The following SYNGR4 variants were observed in gnomAD, a reference collection of about 807,000 sequenced individuals.
The protein encoded by SYNGR4 is synaptogyrin 4, also known as synaptogyrin-4.
Under a neutral mutation model 15.5 loss-of-function variants are expected in SYNGR4, and 15 were observed. That is an observed-to-expected ratio of 0.97 (90% confidence interval 0.65 to 1.49). The LOEUF (loss-of-function observed/expected upper bound fraction) is 1.49. SYNGR4 is among the 40% of genes most tolerant of loss of function. SYNGR4 has a pLI of 0.00. For missense variants in SYNGR4, 292 were observed against 299.3 expected, an observed-to-expected ratio of 0.98 and a Z score of 0.18; for synonymous variants, 121 against 127.4, an observed-to-expected ratio of 0.95 and a Z score of 0.34.
chr19:48,365,628 T>C lies in SYNGR4; in HGVS notation c.-107-108T>C, dbSNP rs1970199280. ...GTCCCCTCACCCCACACAACTCCAT[T>C]CCGGGGACCCCCCCCATCCCCACCC... On this transcript the variant is annotated intron_variant, in intron 1 of 4. Coordinates refer to ENST00000344846, the MANE Select transcript of SYNGR4 (RefSeq NM_012451.4). 1.3e-5 allele frequency: 6 copies of C among 470,966 alleles called. No individual in the cohort carries two copies. In the South Asian group the frequency reaches 1.3e-4, roughly 10 times the overall value. 29.2% of individuals were successfully genotyped at this position (470,966 alleles called of 1,614,324 possible).
intron 1 of SYNGR4, among the ~76,000 whole-genome samples, chr19:48,365,091 C>G (rs1970173253): frequency 6.6e-6 from 1 of 150,942 alleles, no homozygotes; most frequent in Non-Finnish European, 1.5e-5. Flanking sequence ...TCCATAGACC[C>G]CCTTAACCCA....
intron 1 of SYNGR4, 55 bp from the exon 2 acceptor site, chr19:48,365,681 C>T (rs1325685896): frequency 3.1e-6 from 1 of 318,376 alleles, no homozygotes; most frequent in Non-Finnish European, 5.6e-6. Context: ...GGGCCCCCAA[C>T]AGCCCTTCCA....
Position 48,365,784 on chromosome 19 carries a change from AG to A in SYNGR4, c.-57del, listed in dbSNP as rs995524574. 14 of 1,580,066 alleles carry A rather than the reference AG, an allele frequency of 8.9e-6. No homozygotes were observed. The African/African-American group carries it at 1.5e-4, about 17-fold the overall frequency. ...AAGCCCCCGGACGGCAGTGCCCAGCAGGCAGCGCCCAGCACCCTGGCTCCCA... is the reference window on the plus strand; with the variant it reads ...AAGCCCCCGGACGGCAGTGCCCAGCAGCAGCGCCCAGCACCCTGGCTCCCA... On this transcript the variant is annotated 5_prime_UTR_variant, in exon 2 of 5. Transcript: ENST00000344846.
At chr19:48,364,287 G>T, upstream of SYNGR4, 1 of 324,282 alleles carries the variant, frequency 3.1e-6, no homozygotes, top group South Asian at 4.4e-5. Context: ...GGCGGAAAGA[G>T]GGAGGGGGCG....
rs370422984 is a variant in SYNGR4 at position 48,374,231 on chromosome 19, C to G, written c.331+477C>G. ...TAGCTGGGATTACAGGCGCACACCA[C>G]CACACCCGGCTAATTATTTTTTGTA... is the stretch of plus-strand genomic sequence containing the variant. On this transcript the variant is annotated intron_variant, in intron 3 of 4. Transcript: ENST00000344846. Among the ~76,000 whole-genome samples, 26 of 152,190 alleles carry G rather than the reference C, an allele frequency of 1.7e-4. No individual in the cohort carries two copies. In the South Asian group the frequency reaches 5.4e-3, roughly 32 times the overall value.
Position 48,373,751 on chromosome 19 carries a change from G to A in SYNGR4, c.328G>A (p.Ala110Thr). Residue 110 changes from alanine (A) to threonine (T), a missense_variant, in exon 3 of 5, where the codon GCT (alanine) becomes ACT (threonine). Transcript: ENST00000344846. ...TAFQLLDFIL[A>T]VLWAVVWFMG... is the part of the protein sequence containing the mutation. ...CTTCCAGCTCCTGGACTTCATCCTGGCTGGTGAGCCCCCAGGACCCCCAAC... is the reference window on the plus strand; with the variant it reads ...CTTCCAGCTCCTGGACTTCATCCTGACTGGTGAGCCCCCAGGACCCCCAAC... 2 of 1,613,610 alleles carry A rather than the reference G, an allele frequency of 1.2e-6. No homozygotes were observed. The highest frequency in any genetic ancestry group is 1.7e-6 in the Non-Finnish European group (2 of 1,179,896).
At chr19:48,375,190 T>C (rs548105579) in intron 3 of SYNGR4, among the ~76,000 whole-genome samples, 2 of 151,916 alleles carry the variant, frequency 1.3e-5, no homozygotes, top group East Asian at 3.9e-4. Context: ...CGTGCTGGGC[T>C]AATTTTTGTT....
Position 48,376,174 on chromosome 19 carries a change from GACCACCCTCCCCTTGCCCTCTGCCA to G in SYNGR4, c.564_588del (p.Thr189AlafsTer3). On this transcript the variant is annotated frameshift_variant, in exon 5 of 5. Coordinates refer to ENST00000344846, the MANE Select transcript of SYNGR4 (RefSeq NM_012451.4). LOFTEE classifies it low-confidence loss of function (END_TRUNC). Reference sequence around the variant, plus strand: ...TCCTGGATGAGGGTGGCATGGTGCTGACCACCCTCCCCTTGCCCTCTGCCAACAGCCCTGTGAACATGCCCACCAC... The same window carrying G: ...TCCTGGATGAGGGTGGCATGGTGCTGACAGCCCTGTGAACATGCCCACCAC... 2 of 1,614,060 alleles carry G rather than the reference GACCACCCTCCCCTTGCCCTCTGCCA, an allele frequency of 1.2e-6. No homozygotes were observed. The highest frequency in any genetic ancestry group is 8.5e-7 in the Non-Finnish European group (1 of 1,179,998).
At chr19:48,369,409 C>T (rs577657128) in intron 2 of SYNGR4, among the ~76,000 whole-genome samples, 3 of 152,130 alleles carry the variant, frequency 2.0e-5, no homozygotes, top group Non-Finnish European at 2.9e-5. Context: ...GACAGCCCAC[C>T]GGCCTAGATG....
rs376927562 is a variant in SYNGR4 at position 48,376,145 on chromosome 19, C to T, written c.532C>T (p.Arg178Cys). 1.7e-5 allele frequency: 27 copies of T among 1,613,984 alleles called. No individual in the cohort carries two copies. The Admixed American group carries it at 1.8e-4, about 11-fold the overall frequency. The part of the protein sequence containing the change: ...LRNDAPVPYK[R>C]FLDEGGMVLT... ...AAATGATGCTCCAGTCCCTTACAAGCGCTTCCTGGATGAGGGTGGCATGGT... is the reference window on the plus strand; with the variant it reads ...AAATGATGCTCCAGTCCCTTACAAGTGCTTCCTGGATGAGGGTGGCATGGT... Residue 178 changes from arginine to cysteine, a missense_variant, in exon 5 of 5, where the codon CGC becomes TGC. Physicochemically the swap from Arg to Cys is radical, Grantham distance 180. Transcript: ENST00000344846.
chr19:48,375,693 C>T lies in SYNGR4; in HGVS notation c.412C>T (p.Leu138=). The T allele has an allele frequency of 6.2e-7, 1 of 1,614,112 alleles. No individual in the cohort carries two copies. Among genetic ancestry groups the T allele is most frequent in the Admixed American group, 1.7e-5 (1 of 60,014 alleles). The change falls in exon 4 of 5, where the codon CTG becomes TTG. Residue 138 remains leucine (L), a synonymous_variant. Coordinates refer to ENST00000344846, the MANE Select transcript of SYNGR4 (RefSeq NM_012451.4). ...GCATTCGCCGCCCAAAGAGTTCCTC[C>T]TGGGGAGCAGCAGTGCCCAGGCAGC... The part of the protein sequence containing the change: ...WQHSPPKEFL[L]GSSSAQAAIA...
chr19:48,375,410 C>A (rs555934308), intron 3 of SYNGR4, among the ~76,000 whole-genome samples: 1 of 152,184 alleles, frequency 6.6e-6, no homozygotes, highest in African/African-American at 2.4e-5. Flanking sequence ...TCTACTCCAG[C>A]AGCTCACTTT....
At position 48,375,919 on chromosome 19, in the gene SYNGR4, G is replaced by T. The variant is rs75670885; in HGVS notation, c.472-166G>T. 4.6e-6 allele frequency: 7 copies of T among 1,513,522 alleles called. No homozygotes were observed. In the Admixed American group the frequency reaches 1.7e-4, roughly 37 times the overall value. 93.8% of individuals were successfully genotyped at this position (1,513,522 alleles called of 1,614,324 possible). ...TTCCAGGTGCCGCTTCCTCTGAGCA[G>T]CCACAGCCCAGCATCAGGGCCTGTG... On this transcript the variant is annotated intron_variant, in intron 4 of 4. Transcript: ENST00000344846.
intron 2 of SYNGR4, 117 bp from the exon 3 acceptor site, chr19:48,373,400 G>A (rs1056434979): frequency 1.4e-5 from 12 of 835,862 alleles, no homozygotes; most frequent in Admixed American, 7.9e-5. Context: ...TGTCAAAGAG[G>A]GAGAGGTCCA....
intron 2 of SYNGR4, among the ~76,000 whole-genome samples, chr19:48,370,072 T>C (rs1212297696): frequency 2.0e-5 from 3 of 151,948 alleles, no homozygotes; most frequent in African/African-American, 7.3e-5. Flanking sequence ...AGTTTAGGGG[T>C]CCGTTCTTTG....
At chr19:48,365,286 C>A (rs1296841826) in intron 1 of SYNGR4, among the ~76,000 whole-genome samples, 1 of 102,008 alleles carries the variant, frequency 9.8e-6, no homozygotes, top group Non-Finnish European at 2.0e-5. Flanking sequence ...GAACCCCCAG[C>A]ACCCGCATCC....
Position 48,366,464 on chromosome 19 carries a change from T to G in SYNGR4, c.93+529T>G, listed in dbSNP as rs928066847. 5.9e-5 allele frequency among the ~76,000 whole-genome samples: 9 copies of G among 151,394 alleles called. No individual in the cohort carries two copies. In the South Asian group the frequency reaches 1.9e-3, roughly 32 times the overall value. ...GCCCAGGCTGGAGTGCAAAAAGCAG[T>G]GGCGTGATCTCCGCTCACTGGAACT... On this transcript the variant is annotated intron_variant, in intron 2 of 4. Coordinates refer to ENST00000344846, the MANE Select transcript of SYNGR4 (RefSeq NM_012451.4).
In SYNGR4 at chr19:48,375,624, G is replaced by C; in HGVS notation, c.343G>C (p.Val115Leu). The C allele has an allele frequency of 6.2e-7, 1 of 1,613,628 alleles. No homozygotes were observed. The highest frequency in any genetic ancestry group is 8.5e-7 in the Non-Finnish European group (1 of 1,179,642). Reference protein sequence around the residue: ...LDFILAVLWAVVWFMGFCFLA... With the variant: ...LDFILAVLWALVWFMGFCFLA... ...CTGTGACGCCACAGTTCTCTGGGCAGTTGTCTGGTTCATGGGTTTCTGCTT... is the reference window on the plus strand; with the variant it reads ...CTGTGACGCCACAGTTCTCTGGGCACTTGTCTGGTTCATGGGTTTCTGCTT... The change falls in exon 4 of 5, where the codon GTT becomes CTT. Residue 115 changes from valine (V) to leucine (L), a missense_variant. Coordinates refer to ENST00000344846, the MANE Select transcript of SYNGR4 (RefSeq NM_012451.4).
chr19:48,367,183 A>ATTG (rs1970235976), intron 2 of SYNGR4, among the ~76,000 whole-genome samples: 1 of 151,698 alleles, frequency 6.6e-6, no homozygotes, highest in South Asian at 2.1e-4. Flanking sequence ...CTGTAATCCC[A>ATTG]GCACTTTGGG....
Sources: gnomAD v4.1 joint callset for allele counts (sites outside exome capture counted in the v4.1 genomes callset) on GRCh38, gnomAD v4.1.1 for gene constraint, MANE v1.5 for transcripts, NCBI Gene and HGNC (gene_info 2026-07-23, HGNC 2026-07-21) for gene names.